CFAP299: variants seen among roughly 807,000 people sequenced by gnomAD.
CFAP299 encodes cilia- and flagella-associated protein 299.
A neutral mutation model predicts 27.0 loss-of-function variants in CFAP299; 21 were observed. The ratio of observed to expected loss-of-function variants is 0.78; its 90% confidence interval spans 0.55 to 1.12. The LOEUF (loss-of-function observed/expected upper bound fraction) is 1.12, where lower values mean the gene tolerates loss of function less well. Among genes scored for constraint, CFAP299 ranks in the 50% most tolerant of loss-of-function variants. The probability of loss-of-function intolerance (pLI) is 0.00; values close to 1 mark genes in which losing one functional copy is unlikely to be tolerated. For missense variants in CFAP299, 310 were observed against 276.6 expected (o/e 1.12, Z -0.86); for synonymous variants, 104 against 98.1 (o/e 1.06, Z -0.36).
chr4:80,624,316 G>A (rs1461761522), intron 3 of CFAP299, among the ~76,000 whole-genome samples: 1 of 151,638 alleles, frequency 6.6e-6, no homozygotes, highest in East Asian at 1.9e-4. Flanking sequence ...TAAGTAAAAA[G>A]CAAACAAATC....
At chr4:80,755,614 A>G (rs992308438) in intron 3 of CFAP299, among the ~76,000 whole-genome samples, 1 of 152,116 alleles carries the variant, frequency 6.6e-6, no homozygotes. Context: ...ACATAATCCA[A>G]TTAATGGTAA....
rs548597141 is a variant in CFAP299, at chr4:80,671,226, G to T, written c.333+88043G>T. ...TACATATGGCTAGCCAGTTTTCCCA[G>T]CACCATTTATTAAATAGGGAATCCT... On this transcript the variant is annotated intron_variant, in intron 3 of 5. Transcript: ENST00000358105. Among the ~76,000 whole-genome samples, 207 of 152,196 alleles carry T rather than the reference G, an allele frequency of 1.4e-3. 1 individual carries two copies. Among genetic ancestry groups the T allele is most frequent in the African/African-American group, 4.8e-3 (198 of 41,526 alleles).
intron 2 of CFAP299, among the ~76,000 whole-genome samples, chr4:80,556,330 A>T (rs1348233991): frequency 6.6e-6 from 1 of 152,096 alleles, no homozygotes; most frequent in Non-Finnish European, 1.5e-5. Flanking sequence ...CAAATTTTCG[A>T]TGACAAAAGT....
At chr4:80,908,618 A>G (rs570045371) in intron 4 of CFAP299, among the ~76,000 whole-genome samples, 1 of 152,196 alleles carries the variant, frequency 6.6e-6, no homozygotes, top group Non-Finnish European at 1.5e-5. Context: ...TCTGTTTCTC[A>G]TTATATCTCA....
At chr4:80,682,771 T>C (rs548088096) in intron 3 of CFAP299, among the ~76,000 whole-genome samples, 1 of 152,306 alleles carries the variant, frequency 6.6e-6, no homozygotes, top group South Asian at 2.1e-4. Context: ...AGTTTCATTC[T>C]ATCATTCTCA....
At chr4:80,369,471 G>A (rs80217448) in intron 2 of CFAP299, among the ~76,000 whole-genome samples, 10,170 of 152,162 alleles carry the variant, frequency 0.067, 366 homozygotes, top group Middle Eastern at 0.18. Context: ...ATGCCCTGAG[G>A]CCCTTATCAT....
At chr4:80,550,293 A>G (rs1734436078) in intron 2 of CFAP299, among the ~76,000 whole-genome samples, 1 of 152,084 alleles carries the variant, frequency 6.6e-6, no homozygotes, top group Non-Finnish European at 1.5e-5. Context: ...CATCTAGTAA[A>G]CATTTAGTTA....
At chr4:80,417,915 C>T (rs116295218) in intron 2 of CFAP299, among the ~76,000 whole-genome samples, 1,888 of 152,180 alleles carry the variant, frequency 0.012, 16 homozygotes, top group Non-Finnish European at 0.019. Flanking sequence ...GAAAAAGCGA[C>T]AAGGTACCAT....
intron 3 of CFAP299, among the ~76,000 whole-genome samples, chr4:80,843,161 A>G (rs1730958788): frequency 6.6e-6 from 1 of 151,994 alleles, no homozygotes; most frequent in Admixed American, 6.6e-5. Flanking sequence ...TACATGTGCC[A>G]TGTTGCTGTG....
chr4:80,387,874 G>T, intron 2 of CFAP299: 1 of 1,174,622 alleles, frequency 8.5e-7, no homozygotes, highest in Non-Finnish European at 1.3e-6. Flanking sequence ...CAGCATTGGT[G>T]GAGAGTCAAA....
intron 3 of CFAP299, among the ~76,000 whole-genome samples, chr4:80,645,004 C>G (rs962335702): frequency 3.9e-5 from 6 of 152,074 alleles, no homozygotes; most frequent in African/African-American, 9.7e-5. Context: ...CACCAGCCCC[C>G]CCTCAGAAAT....
At chr4:80,542,347 C>A (rs1734037639) in intron 2 of CFAP299, among the ~76,000 whole-genome samples, 1 of 152,050 alleles carries the variant, frequency 6.6e-6, no homozygotes, top group Non-Finnish European at 1.5e-5. Context: ...TTTAATGCAG[C>A]CAGGAAGAAT....
At chr4:80,607,767 C>T (rs980710829) in intron 3 of CFAP299, among the ~76,000 whole-genome samples, 18 of 152,096 alleles carry the variant, frequency 1.2e-4, no homozygotes, top group East Asian at 5.8e-4. Flanking sequence ...AGGATTGTTT[C>T]GAGGGCTTGT....
At chr4:80,464,506 T>C (rs1406191667) in intron 2 of CFAP299, among the ~76,000 whole-genome samples, 1 of 152,204 alleles carries the variant, frequency 6.6e-6, no homozygotes, top group East Asian at 1.9e-4. Context: ...AGATGGAGTA[T>C]CTCATCCAGG....
At chr4:80,334,510 T>C (rs529373220), upstream of CFAP299, among the ~76,000 whole-genome samples, 5 of 152,260 alleles carry the variant, frequency 3.3e-5, no homozygotes, top group African/African-American at 1.2e-4. Context: ...ACTCCTGACC[T>C]CGTGATCCAC....
chr4:80,348,982 G>T (rs557489774), intron 1 of CFAP299, among the ~76,000 whole-genome samples: 54 of 152,304 alleles, frequency 3.5e-4, no homozygotes, highest in African/African-American at 1.3e-3. Context: ...CACGGTTGAT[G>T]AAATAGTGAT....
At chr4:80,484,396 C>T (rs886365507) in intron 2 of CFAP299, among the ~76,000 whole-genome samples, 1 of 152,090 alleles carries the variant, frequency 6.6e-6, no homozygotes, top group African/African-American at 2.4e-5. Flanking sequence ...GAAGTGCCGA[C>T]TTTACATTCC....
At position 80,672,496 on chromosome 4, in the gene CFAP299, T is replaced by C. The variant is rs186302148; in HGVS notation, c.333+89313T>C. ...TTGTTGTGTCTCTGTCAGGCTTTCA[T>C]ATCAGGATGATACTGGCCTCATAAA... On this transcript the variant is annotated intron_variant, in intron 3 of 5. Transcript: ENST00000358105. 2.7e-3 allele frequency among the ~76,000 whole-genome samples: 410 copies of C among 152,362 alleles called. 2 individuals are homozygous for C. Among genetic ancestry groups the C allele is most frequent in the Non-Finnish European group, 4.3e-3 (294 of 68,032 alleles).
At chr4:80,607,047 G>A (rs1387112633) in intron 3 of CFAP299, among the ~76,000 whole-genome samples, 2 of 152,080 alleles carry the variant, frequency 1.3e-5, no homozygotes, top group Non-Finnish European at 2.9e-5. Context: ...AGTCAGGTAG[G>A]CTAGTTTTTA....
Sources: allele counts gnomAD v4.1 joint callset (sites outside exome capture counted in the v4.1 genomes callset), GRCh38; gene constraint gnomAD v4.1.1; transcripts MANE v1.5; gene names NCBI Gene and HGNC (gene_info 2026-07-23, HGNC 2026-07-21).